Variants in ACSM3 observed in about 807,000 individuals in gnomAD.
ACSM3 encodes acyl-CoA synthetase medium chain family member 3.
In ACSM3, 61 loss-of-function variants were observed where a neutral mutation model predicts 74.1. That is an observed-to-expected ratio of 0.82 (90% confidence interval 0.67 to 1.02). The LOEUF (loss-of-function observed/expected upper bound fraction) is 1.02. Ranked by LOEUF, ACSM3 falls within the 50% of genes least tolerant of loss-of-function variation. The pLI, the probability that ACSM3 is intolerant of heterozygous loss-of-function variation, is 0.00. For synonymous variants in ACSM3, 213 were observed against 241.5 expected (o/e 0.88, Z 1.09); for missense variants, 660 against 697.0 (o/e 0.95, Z 0.60).
intron 7 of ACSM3, 121 bp from the exon 8 acceptor site, chr16:20,784,863 T>C (rs2080436185): frequency 2.8e-6 from 3 of 1,062,454 alleles, no homozygotes; most frequent in Admixed American, 5.6e-5. Flanking sequence ...TGTTTTGTGC[T>C]AGGGAGAGGA....
At chr16:20,738,971 T>C (rs1051730119) in intron 1 of ACSM3, 1 of 1,614,120 alleles carries the variant, frequency 6.2e-7, no homozygotes, top group African/African-American at 1.3e-5. Context: ...TAACCTCATC[T>C]CTGTAGATGC....
intron 1 of ACSM3, chr16:20,737,335 C>G (rs758399656): frequency 6.6e-7 from 1 of 1,523,344 alleles, no homozygotes; most frequent in East Asian, 2.3e-5. Context: ...ACCATTACAT[C>G]TGATAGATAC....
chr16:20,685,459 A>C, intron 1 of ACSM3: 2 of 1,504,742 alleles, frequency 1.3e-6, no homozygotes, highest in Non-Finnish European at 1.9e-6. Flanking sequence ...AAGGGCACTT[A>C]GTAAACTAAT....
At chr16:20,683,175 T>C (rs2079481209) in intron 1 of ACSM3, among the ~76,000 whole-genome samples, 1 of 152,086 alleles carries the variant, frequency 6.6e-6, no homozygotes, top group Non-Finnish European at 1.5e-5. Flanking sequence ...TGGAGTGCAG[T>C]GGTGTGATCT....
intron 1 of ACSM3, chr16:20,728,575 G>A (rs2079815024): frequency 8.5e-6 from 4 of 468,040 alleles, no homozygotes; most frequent in African/African-American, 4.1e-5. Flanking sequence ...TGTAACCTCA[G>A]GCAAGCAACA....
At position 20,797,278 on chromosome 16, in the gene ACSM3, C is replaced by G. The variant is rs1421282327; in HGVS notation, c.*306C>G. 1 of 1,050,180 alleles carries G rather than the reference C, an allele frequency of 9.5e-7. No homozygotes were observed. Among genetic ancestry groups the G allele is most frequent in the Non-Finnish European group, 1.1e-6 (1 of 875,000 alleles). 65.1% of individuals were successfully genotyped at this position (1,050,180 alleles called of 1,614,324 possible). On this transcript the variant is annotated 3_prime_UTR_variant, in exon 14 of 14. Transcript: ENST00000289416. ...ACCAGATCTCTGCTACATAGGTTTT[C>G]AAACTTTAGTTGACTAATTCTTCTG...
chr16:20,732,996 TA>T (rs534702145), intron 1 of ACSM3: 6 of 155,246 alleles, frequency 3.9e-5, no homozygotes, highest in Admixed American at 3.3e-4. Flanking sequence ...CATAGCTTGA[TA>T]AAAAAGCTGA....
intron 1 of ACSM3, among the ~76,000 whole-genome samples, chr16:20,714,409 A>G (rs912087980): frequency 2.0e-5 from 3 of 152,190 alleles, no homozygotes; most frequent in African/African-American, 7.2e-5. Context: ...CAGAAGTTCC[A>G]GGGCCAGGTT....
At chr16:20,724,781 T>C (rs1361685278) in intron 1 of ACSM3, among the ~76,000 whole-genome samples, 1 of 152,192 alleles carries the variant, frequency 6.6e-6, no homozygotes. Flanking sequence ...CCATTCACAA[T>C]TGCTTCAAAG....
rs2079544768 is a variant in ACSM3, at chr16:20,685,848, A to AAAAAAAAAT, written c.-190+11031_-190+11032insAAATAAAAA. ...AAAAAAAAACAAACAAAAAAAAAAC[A>AAAAAAAAAT]AAAAACTTATAGCATCAGGAGAGGT... is the stretch of plus-strand genomic sequence containing the variant. On this transcript the variant is annotated intron_variant, in intron 1 of 3. Transcript: ENST00000561584. Among the ~76,000 whole-genome samples, 2 of 123,788 alleles carry AAAAAAAAAT rather than the reference A, an allele frequency of 1.6e-5. 1 individual carries two copies. The highest frequency in any genetic ancestry group is 3.7e-5 in the Non-Finnish European group (2 of 54,366). 81.2% of individuals were successfully genotyped at this position (123,788 alleles called of 152,430 possible).
chr16:20,785,763 A>G (rs2080459174), intron 8 of ACSM3, among the ~76,000 whole-genome samples: 1 of 152,208 alleles, frequency 6.6e-6, no homozygotes, highest in Non-Finnish European at 1.5e-5. Flanking sequence ...AAAAATGAAA[A>G]TATCAAAAAT....
intron 1 of ACSM3, among the ~76,000 whole-genome samples, chr16:20,732,684 G>A (rs1030730632): frequency 6.6e-6 from 1 of 152,094 alleles, no homozygotes; most frequent in Non-Finnish European, 1.5e-5. Flanking sequence ...TTGTGGCAAA[G>A]CATTTAAGTG....
intron 1 of ACSM3, chr16:20,679,332 A>T (rs554509581): frequency 6.6e-6 from 1 of 152,242 alleles, no homozygotes; most frequent in Non-Finnish European, 1.5e-5. Flanking sequence ...ACCACACTGG[A>T]GGCTGGTCAG....
intron 1 of ACSM3, chr16:20,738,790 G>T: frequency 7.7e-7 from 1 of 1,298,980 alleles, no homozygotes; most frequent in South Asian, 1.4e-5. Flanking sequence ...GCCATCAAAT[G>T]ATTAACTGAG....
chr16:20,725,096 A>G (rs939598941), intron 1 of ACSM3, among the ~76,000 whole-genome samples: 1 of 152,220 alleles, frequency 6.6e-6, no homozygotes, highest in Non-Finnish European at 1.5e-5. Context: ...CCAAAAGAAC[A>G]AAGCTGCAGG....
At chr16:20,781,820 G>A in intron 7 of ACSM3, 33 bp downstream of exon 7, 1 of 1,482,678 alleles carries the variant, frequency 6.7e-7, no homozygotes, top group Non-Finnish European at 9.4e-7. Flanking sequence ...CATCTAGTGG[G>A]GAGAGGGGAG....
At chr16:20,784,395 T>C (rs2080423335) in intron 7 of ACSM3, 1 of 152,522 alleles carries the variant, frequency 6.6e-6, no homozygotes. Flanking sequence ...GGCAGCACTG[T>C]CCAAGAGCTT....
At position 20,682,473 on chromosome 16, in the gene ACSM3, A is replaced by G. The variant is rs184172714; in HGVS notation, c.-190+7651A>G. 6.2e-6 allele frequency: 10 copies of G among 1,610,134 alleles called. No homozygotes were observed. In the East Asian group the frequency reaches 1.1e-4, roughly 18 times the overall value. On this transcript the variant is annotated intron_variant, in intron 1 of 3. Transcript: ENST00000561584. ...GGAATGAAGATGATCCCTGGGGATG[A>G]GAAAGGAACTGATTGTTTTGGTTTC...
intron 1 of ACSM3, among the ~76,000 whole-genome samples, chr16:20,676,568 A>G (rs986948924): frequency 1.3e-5 from 2 of 152,184 alleles, no homozygotes; most frequent in South Asian, 2.1e-4. Flanking sequence ...TCAGCTTATT[A>G]AAGTGGTTAC....
Sources: gnomAD v4.1 joint callset for allele counts (sites outside exome capture counted in the v4.1 genomes callset) on GRCh38, gnomAD v4.1.1 for gene constraint, MANE v1.5 for transcripts, NCBI Gene and HGNC (gene_info 2026-07-23, HGNC 2026-07-21) for gene names.